Variants in MGAT4A observed in about 807,000 individuals in gnomAD.
The protein encoded by MGAT4A is N-acetylglucosaminyltransferase IVa.
A neutral mutation model predicts 74.1 loss-of-function variants in MGAT4A; 33 were observed. That is an observed-to-expected ratio of 0.45 (90% CI 0.34 to 0.60). The LOEUF is 0.60. MGAT4A is among the 20% of genes least tolerant of loss of function. The probability of loss-of-function intolerance (pLI) is 0.02; values close to 1 mark genes in which losing one functional copy is unlikely to be tolerated. For missense variants in MGAT4A, 479 were observed against 628.3 expected, an observed-to-expected ratio of 0.76 and a Z score of 2.54; for synonymous variants, 198 against 210.4, an observed-to-expected ratio of 0.94 and a Z score of 0.51.
At chr2:98,653,258 T>C (rs1470465767) in intron 8 of MGAT4A, among the ~76,000 whole-genome samples, 4 of 109,822 alleles carry the variant, frequency 3.6e-5, no homozygotes, top group East Asian at 2.9e-4. Flanking sequence ...CTCAAGGAAA[T>C]TGAAAAAAAG....
At chr2:98,654,247 G>A (rs973590571) in intron 8 of MGAT4A, among the ~76,000 whole-genome samples, 1 of 152,060 alleles carries the variant, frequency 6.6e-6, no homozygotes, top group Admixed American at 6.6e-5. Context: ...TCTAAGATTA[G>A]AAGCAGGGCA....
chr2:98,638,297 C>G (rs1701353728), intron 12 of MGAT4A, among the ~76,000 whole-genome samples: 1 of 152,140 alleles, frequency 6.6e-6, no homozygotes. Context: ...TCTATACTCT[C>G]TATATAGAAT....
Position 98,623,325 on chromosome 2 carries a change from A to G in MGAT4A, c.*2241T>C. On this transcript the variant is annotated 3_prime_UTR_variant, in exon 16 of 16. Coordinates refer to ENST00000393487, the MANE Select transcript of MGAT4A (RefSeq NM_012214.3). ...TAAAGAAGTTGTAACAAATCACACC[A>G]GGTGCTGCAATAACTTTCTCCTCCC... The G allele has an allele frequency of 1.0e-6, 1 of 985,474 alleles. No individual in the cohort carries two copies. The highest frequency in any genetic ancestry group is 1.2e-6 in the Non-Finnish European group (1 of 829,956). The allele number at this position is 985,474 out of a possible 1,614,324, so 61.0% of individuals were successfully genotyped here.
intron 2 of MGAT4A, among the ~76,000 whole-genome samples, chr2:98,719,186 C>T (rs1378927300): frequency 6.6e-6 from 1 of 152,080 alleles, no homozygotes; most frequent in Admixed American, 6.5e-5. Flanking sequence ...AGAAAAATAT[C>T]GGACACTGAC....
At chr2:98,720,645 T>C (rs1363978638) in intron 2 of MGAT4A, among the ~76,000 whole-genome samples, 3 of 149,114 alleles carry the variant, frequency 2.0e-5, no homozygotes, top group African/African-American at 7.5e-5. Context: ...TGTGTGTGTG[T>C]GTTCTGTTTC....
intron 2 of MGAT4A, among the ~76,000 whole-genome samples, chr2:98,685,019 T>C (rs1054618886): frequency 2.0e-5 from 3 of 152,160 alleles, no homozygotes; most frequent in African/African-American, 7.2e-5. Flanking sequence ...GGAGGATTGC[T>C]TGAACCTAAT....
chr2:98,698,644 A>T (rs1244921780), intron 2 of MGAT4A, among the ~76,000 whole-genome samples: 1 of 151,866 alleles, frequency 6.6e-6, no homozygotes, highest in Non-Finnish European at 1.5e-5. Context: ...ATGACTACCT[A>T]CTTAACTCTC....
rs769397673 is a variant in MGAT4A, at chr2:98,640,103, TA to T, written c.1128+17del. 1 of 1,588,332 alleles carries T rather than the reference TA, an allele frequency of 6.3e-7. No individual in the cohort carries two copies. Among genetic ancestry groups the T allele is most frequent in the East Asian group, 2.2e-5 (1 of 44,648 alleles). ...AACAAGTTGTATGTTCATGAGAAAA[TA>T]AAATTAAGTCACCAACCGTGAGTTT... On this transcript the variant is annotated intron_variant, in intron 11 of 15. Transcript: ENST00000393487.
chr2:98,715,924 T>C (rs1378992329), intron 2 of MGAT4A, among the ~76,000 whole-genome samples: 2 of 152,186 alleles, frequency 1.3e-5, no homozygotes, highest in African/African-American at 2.4e-5. Context: ...AACTTTACAA[T>C]GGAAAAGCCT....
At chr2:98,729,759 T>C (rs753796409) in intron 1 of MGAT4A, among the ~76,000 whole-genome samples, 1 of 152,248 alleles carries the variant, frequency 6.6e-6, no homozygotes, top group Non-Finnish European at 1.5e-5. Flanking sequence ...ACGTTTGGCA[T>C]CTTCCTTAAT....
At chr2:98,653,440 T>G (rs1057207413) in intron 8 of MGAT4A, among the ~76,000 whole-genome samples, 2 of 150,536 alleles carry the variant, frequency 1.3e-5, no homozygotes, top group Non-Finnish European at 1.5e-5. Context: ...TTAGCTAGAT[T>G]AGCTAAGAAA....
At chr2:98,701,680 G>A (rs549950096) in intron 2 of MGAT4A, among the ~76,000 whole-genome samples, 4 of 152,200 alleles carry the variant, frequency 2.6e-5, no homozygotes, top group South Asian at 2.1e-4. Flanking sequence ...GGTCTAAATC[G>A]GCAAACTTTA....
chr2:98,656,235 C>A (rs1701659123), intron 7 of MGAT4A, 117 bp downstream of exon 7: 1 of 781,718 alleles, frequency 1.3e-6, no homozygotes, highest in Non-Finnish European at 2.2e-6. Context: ...ATGAGACTTA[C>A]CTAGAATATT....
intron 2 of MGAT4A, chr2:98,693,967 T>C (rs750776772): frequency 1.4e-4 from 21 of 152,658 alleles, no homozygotes; most frequent in Admixed American, 3.3e-4. Flanking sequence ...AATAAAATGG[T>C]AGACTTGATT....
In MGAT4A at chr2:98,619,651, G is replaced by A. The variant is rs1240595305; in HGVS notation, c.*5915C>T. On this transcript the variant is annotated 3_prime_UTR_variant, in exon 16 of 16. Transcript: ENST00000393487. ...TACTGTCGATAGCAGCCATTTTTAA[G>A]GCTCAGAGAATATGTCTTCAAAAGA... 6.6e-6 allele frequency: 1 copy of A among 152,156 alleles called. No individual in the cohort carries two copies. The highest frequency in any genetic ancestry group is 1.9e-4 in the East Asian group (1 of 5,200). The allele number at this position is 152,156 out of a possible 1,614,324, so 9.4% of individuals were successfully genotyped here.
chr2:98,718,714 AT>A (rs1366158615), intron 2 of MGAT4A, among the ~76,000 whole-genome samples: 1 of 152,180 alleles, frequency 6.6e-6, no homozygotes, highest in Non-Finnish European at 1.5e-5. Context: ...GGCAAGTGCA[AT>A]TGAGATGTGG....
intron 4 of MGAT4A, chr2:98,663,544 C>T (rs907721935): frequency 8.1e-6 from 9 of 1,109,744 alleles, no homozygotes; most frequent in African/African-American, 4.8e-5. Context: ...TGTGACATGC[C>T]GAGAAGAGCA....
At chr2:98,659,737 T>C (rs1007518559) in intron 5 of MGAT4A, among the ~76,000 whole-genome samples, 1 of 152,238 alleles carries the variant, frequency 6.6e-6, no homozygotes. Context: ...CCTTCTGCCA[T>C]GATTGTGAGG....
intron 2 of MGAT4A, among the ~76,000 whole-genome samples, chr2:98,717,526 G>C (rs1402860886): frequency 3.3e-5 from 5 of 152,126 alleles, no homozygotes; most frequent in African/African-American, 1.2e-4. Flanking sequence ...AAGGTTTGTA[G>C]ATTAGTTAAT....
Sources: gnomAD v4.1 joint callset for allele counts (sites outside exome capture counted in the v4.1 genomes callset) on GRCh38, gnomAD v4.1.1 for gene constraint, MANE v1.5 for transcripts, NCBI Gene and HGNC (gene_info 2026-07-23, HGNC 2026-07-21) for gene names.